SGPP2: variants seen among roughly 807,000 people sequenced by gnomAD.
SGPP2 encodes the protein sphingosine-1-phosphate phosphatase 2.
Under a neutral mutation model 33.9 loss-of-function variants are expected in SGPP2, and 30 were observed. The observed-to-expected ratio is 0.89, with a 90% CI of 0.66 to 1.20. SGPP2 has a LOEUF of 1.20. Ranked by LOEUF, SGPP2 falls within the 50% of genes most tolerant of loss-of-function variation. The pLI is 0.00. For synonymous variants in SGPP2, 233 were observed against 225.0 expected (o/e 1.04, Z -0.32); for missense variants, 458 against 532.1 (o/e 0.86, Z 1.37).
intron 2 of SGPP2, among the ~76,000 whole-genome samples, chr2:222,481,404 T>G (rs190321776): frequency 1.3e-5 from 2 of 152,224 alleles, no homozygotes; most frequent in Non-Finnish European, 2.9e-5. Flanking sequence ...GGCTTTCATT[T>G]TTTATTGATT....
Position 222,548,766 on chromosome 2 carries a change from A to T in SGPP2, c.649-9581A>T, listed in dbSNP as rs565263411. On this transcript the variant is annotated intron_variant, in intron 4 of 4. Transcript: ENST00000321276. ...CCCTATACATATGCTAATTACATGTAGGTTTCTCTCCGTAATCATTTATAT... is the reference window on the plus strand; with the variant it reads ...CCCTATACATATGCTAATTACATGTTGGTTTCTCTCCGTAATCATTTATAT... Among the ~76,000 whole-genome samples, 7 of 152,344 alleles carry T rather than the reference A, an allele frequency of 4.6e-5. No homozygotes were observed. The East Asian group carries it at 1.3e-3, about 29-fold the overall frequency.
intron 1 of SGPP2, chr2:222,452,747 C>T (rs1697511517): frequency 7.6e-6 from 11 of 1,443,906 alleles, no homozygotes; most frequent in Non-Finnish European, 9.7e-6. Context: ...CAGTCGTGTT[C>T]ACCAGGCATT....
At chr2:222,532,246 C>T (rs1452649887) in intron 4 of SGPP2, among the ~76,000 whole-genome samples, 2 of 151,366 alleles carry the variant, frequency 1.3e-5, no homozygotes, top group South Asian at 4.2e-4. Context: ...TGCACTTGAG[C>T]CTGGGCAACA....
intron 1 of SGPP2, among the ~76,000 whole-genome samples, chr2:222,445,004 G>A (rs1323730670): frequency 2.0e-5 from 3 of 152,194 alleles, no homozygotes; most frequent in Admixed American, 6.5e-5. Flanking sequence ...CCCCGACCCA[G>A]GAGACAGTTA....
At chr2:222,507,966 G>A (rs1698470524) in intron 2 of SGPP2, among the ~76,000 whole-genome samples, 1 of 152,222 alleles carries the variant, frequency 6.6e-6, no homozygotes, top group Non-Finnish European at 1.5e-5. Flanking sequence ...GTGAGCTTAT[G>A]CATGATTTTC....
At chr2:222,501,957 C>T (rs1214301676) in intron 2 of SGPP2, among the ~76,000 whole-genome samples, 1 of 151,868 alleles carries the variant, frequency 6.6e-6, no homozygotes, top group African/African-American at 2.4e-5. Context: ...CTTTCTCAAT[C>T]TTTATGGTGA....
intron 2 of SGPP2, among the ~76,000 whole-genome samples, chr2:222,484,748 G>T (rs1574855212): frequency 6.6e-6 from 1 of 152,202 alleles, no homozygotes; most frequent in South Asian, 2.1e-4. Context: ...CAGGCGGATT[G>T]GTCCCCATAG....
In SGPP2 at chr2:222,477,651, T is replaced by A. The variant is rs1359507173; in HGVS notation, c.378+2925T>A. Among the ~76,000 whole-genome samples, 1 of 151,928 alleles carries A rather than the reference T, an allele frequency of 6.6e-6. No homozygotes were observed. The highest frequency in any genetic ancestry group is 6.6e-5 in the Admixed American group (1 of 15,242). ...TTTAATAATTGTTGAGTGGGGCAGATGATGAGAAGTACATTACACAGGAAT... is the reference window on the plus strand; with the variant it reads ...TTTAATAATTGTTGAGTGGGGCAGAAGATGAGAAGTACATTACACAGGAAT... On this transcript the variant is annotated intron_variant, in intron 2 of 4. Coordinates refer to ENST00000321276, the MANE Select transcript of SGPP2 (RefSeq NM_152386.4). This position sits in a 1 kb window ranked among gnomAD's most constrained non-coding sequence, Gnocchi z 6.0.
At chr2:222,470,646 G>A (rs1482689466) in intron 1 of SGPP2, among the ~76,000 whole-genome samples, 1 of 152,218 alleles carries the variant, frequency 6.6e-6, no homozygotes, top group African/African-American at 2.4e-5. Flanking sequence ...CTAGAGTAGG[G>A]TAATGATGGT....
intron 2 of SGPP2, among the ~76,000 whole-genome samples, chr2:222,494,799 T>C (rs1253257614): frequency 3.9e-5 from 6 of 152,246 alleles, no homozygotes; most frequent in Admixed American, 3.3e-4. Context: ...ACCTCTCTTT[T>C]TTCCCCCCTC....
chr2:222,526,035 C>A (rs1698753624), intron 4 of SGPP2, among the ~76,000 whole-genome samples: 1 of 152,200 alleles, frequency 6.6e-6, no homozygotes. Flanking sequence ...AGCAACATTA[C>A]GCTTTCCTCT....
chr2:222,501,224 T>C (rs1407863254), intron 2 of SGPP2, among the ~76,000 whole-genome samples: 1 of 152,180 alleles, frequency 6.6e-6, no homozygotes, highest in Non-Finnish European at 1.5e-5. Context: ...TAACTGTTCA[T>C]GGGACAGGAG....
Position 222,474,688 on chromosome 2 carries a change from G to A in SGPP2, c.340G>A (p.Asp114Asn), listed in dbSNP as rs781713650. Residue 114 changes from aspartate to asparagine, a missense_variant, in exon 2 of 5, where the codon GAC becomes AAC. Asp to Asn is a conservative substitution (Grantham distance 23). Coordinates refer to ENST00000321276, the MANE Select transcript of SGPP2 (RefSeq NM_152386.4). ...TFLPFTHWNI[D>N]PYLSRRLIII... ...TCTTCCATTCACTCACTGGAATATT[G>A]ACCCTTATTTATCCAGAAGATTGAT... 7 of 1,613,660 alleles carry A rather than the reference G, an allele frequency of 4.3e-6. No individual in the cohort carries two copies. The highest frequency in any genetic ancestry group is 5.9e-6 in the Non-Finnish European group (7 of 1,179,840).
intron 2 of SGPP2, among the ~76,000 whole-genome samples, chr2:222,515,803 C>A (rs1337918523): frequency 6.6e-6 from 1 of 152,010 alleles, no homozygotes; most frequent in African/African-American, 2.4e-5. Flanking sequence ...CTTTGGGAGG[C>A]CAAGGCAGGC....
chr2:222,465,072 C>G lies in SGPP2; in HGVS notation c.220-9496C>G, dbSNP rs1459557016. On this transcript the variant is annotated intron_variant, in intron 1 of 4. Coordinates refer to ENST00000321276, the MANE Select transcript of SGPP2 (RefSeq NM_152386.4). The surrounding 1 kb of genome is among the most constrained non-coding windows in gnomAD (Gnocchi z 4.1). ...AAAGCCACATTGGGCTCAGTCCCCTCAACCCTCCCTCCTATCCTTGGACGC... is the reference window on the plus strand; with the variant it reads ...AAAGCCACATTGGGCTCAGTCCCCTGAACCCTCCCTCCTATCCTTGGACGC... 6.6e-6 allele frequency among the ~76,000 whole-genome samples: 1 copy of G among 152,216 alleles called. No individual in the cohort carries two copies. Among genetic ancestry groups the G allele is most frequent in the Non-Finnish European group, 1.5e-5 (1 of 68,042 alleles).
intron 2 of SGPP2, among the ~76,000 whole-genome samples, chr2:222,515,488 C>T (rs1419453214): frequency 6.6e-6 from 1 of 151,918 alleles, no homozygotes; most frequent in Non-Finnish European, 1.5e-5. Flanking sequence ...ACCACCACAC[C>T]CAGCTAATTT....
intron 2 of SGPP2, among the ~76,000 whole-genome samples, chr2:222,494,818 A>G (rs559799805): frequency 2.2e-4 from 33 of 152,304 alleles, no homozygotes; most frequent in Middle Eastern, 3.4e-3. Flanking sequence ...TCTTCATTTT[A>G]AAAAGAAGTT....
intron 2 of SGPP2, among the ~76,000 whole-genome samples, chr2:222,514,203 C>T (rs1367653177): frequency 6.6e-6 from 1 of 152,108 alleles, no homozygotes; most frequent in Non-Finnish European, 1.5e-5. Context: ...AGCCTTGAAC[C>T]TGCTTTACTA....
chr2:222,546,148 C>T (rs1177230081), intron 4 of SGPP2, among the ~76,000 whole-genome samples: 2 of 152,170 alleles, frequency 1.3e-5, no homozygotes, highest in African/African-American at 4.8e-5. Flanking sequence ...TAAATTCACA[C>T]AGGGTTTCCA....
Sources: gnomAD v4.1 joint callset for allele counts (sites outside exome capture counted in the v4.1 genomes callset) on GRCh38, gnomAD v4.1.1 for gene constraint, Gnocchi (gnomAD v3.1) non-coding constraint, MANE v1.5 for transcripts, NCBI Gene and HGNC (gene_info 2026-07-23, HGNC 2026-07-21) for gene names.